Variants in EIF2S1 observed in about 807,000 individuals in gnomAD.
The protein encoded by EIF2S1 is eukaryotic translation initiation factor 2 subunit 1.
EIF2S1 carries 5 observed loss-of-function variants against 33.5 expected under a neutral mutation model. The ratio of observed to expected loss-of-function variants is 0.15; its 90% CI spans 0.08 to 0.31. The LOEUF (loss-of-function observed/expected upper bound fraction) is 0.31. Among genes scored for constraint, EIF2S1 ranks in the 10% least tolerant of loss-of-function variants. EIF2S1 has a pLI of 1.00. For synonymous variants in EIF2S1, 99 were observed against 127.5 expected (o/e 0.78, Z 1.51); for missense variants, 191 against 384.6 (o/e 0.50, Z 4.21).
rs2085764185 is a variant in EIF2S1 at position 67,364,878 on chromosome 14, G to A, written c.111G>A (p.Leu37=). The stretch of plus-strand genomic sequence containing the variant: ...AAATGGGGGCTTATGTCAGCTTGCT[G>A]GAATACAACAACATTGAAGGCATGA... ...IAEMGAYVSL[L]EYNNIEGMIL... Residue 37 remains leucine (L), a synonymous_variant, in exon 2 of 8, where the codon CTG becomes CTA. Transcript: ENST00000256383. 6.2e-7 allele frequency: 1 copy of A among 1,613,840 alleles called. No individual in the cohort carries two copies. The highest frequency in any genetic ancestry group is 1.7e-5 in the Admixed American group (1 of 59,990).
intron 6 of EIF2S1, among the ~76,000 whole-genome samples, chr14:67,382,012 A>C (rs994358911): frequency 6.6e-6 from 1 of 152,082 alleles, no homozygotes; most frequent in Non-Finnish European, 1.5e-5. Flanking sequence ...ACTTTCTTCT[A>C]TCTGTACACA....
chr14:67,368,624 A>G (rs1328840084), intron 2 of EIF2S1, among the ~76,000 whole-genome samples: 1 of 152,214 alleles, frequency 6.6e-6, no homozygotes. Flanking sequence ...CACAAAGGCC[A>G]GGAGGTGTGG....
intron 2 of EIF2S1, among the ~76,000 whole-genome samples, chr14:67,371,832 A>G (rs1040961109): frequency 2.0e-4 from 30 of 152,256 alleles, no homozygotes; most frequent in African/African-American, 7.2e-4. Context: ...TGTTTTTGTA[A>G]AAAAGCAAAT....
chr14:67,384,662 T>A lies in EIF2S1; in HGVS notation c.*1222T>A, dbSNP rs1329552351. On this transcript the variant is annotated 3_prime_UTR_variant, in exon 8 of 8. Coordinates refer to ENST00000256383, the MANE Select transcript of EIF2S1 (RefSeq NM_004094.5). ...ACTCAATATTAAAGGGTCTGGAAAA[T>A]AGAAGAGTGTGTTGGGCAGGTAGTT... The A allele has an allele frequency of 6.6e-6, 1 of 152,172 alleles. No homozygotes were observed. The highest frequency in any genetic ancestry group is 1.5e-5 in the Non-Finnish European group (1 of 68,022). The allele number at this position is 152,172 out of a possible 1,614,324, so 9.4% of individuals were successfully genotyped here.
intron 2 of EIF2S1, among the ~76,000 whole-genome samples, chr14:67,370,881 C>T (rs1043271832): frequency 2.6e-5 from 4 of 151,750 alleles, no homozygotes; most frequent in Admixed American, 6.6e-5. Context: ...AAAAATTACC[C>T]AGGCATGGTG....
intron 1 of EIF2S1, 60 bp from the exon 2 acceptor site, chr14:67,364,707 A>ATTTTTTT: frequency 1.5e-6 from 2 of 1,356,942 alleles, no homozygotes; most frequent in Non-Finnish European, 9.9e-7. Context: ...GTGGAAATTG[A>ATTTTTTT]TTTTTTTTTT....
intron 1 of EIF2S1, chr14:67,364,503 T>C (rs1305479371): frequency 2.8e-6 from 1 of 353,656 alleles, no homozygotes; most frequent in African/African-American, 2.1e-5. Flanking sequence ...TAGATGGTCA[T>C]TATTTTTTAT....
chr14:67,376,664 C>T (rs763557038), intron 4 of EIF2S1, 74 bp downstream of exon 4: 164 of 1,499,194 alleles, frequency 1.1e-4, no homozygotes, highest in Middle Eastern at 5.9e-4. Context: ...AGCATAGCAT[C>T]CATGTATAAA....
chr14:67,379,896 C>T (rs537451167), intron 4 of EIF2S1, among the ~76,000 whole-genome samples: 26 of 151,884 alleles, frequency 1.7e-4, no homozygotes, highest in African/African-American at 5.3e-4. Flanking sequence ...CCTCGTGATC[C>T]GCCCGCCTCG....
intron 7 of EIF2S1, among the ~76,000 whole-genome samples, chr14:67,382,840 GAAAAA>G (rs1206269241): frequency 1.3e-5 from 2 of 151,110 alleles, no homozygotes; most frequent in Admixed American, 6.6e-5. Flanking sequence ...CAGAATTGGA[GAAAAA>G]AAAAGTTGTC....
At chr14:67,380,476 A>G (rs1024093152) in intron 4 of EIF2S1, among the ~76,000 whole-genome samples, 183 bp from the exon 5 acceptor site, 1 of 152,220 alleles carries the variant, frequency 6.6e-6, no homozygotes, top group Non-Finnish European at 1.5e-5. Context: ...TTCACTAATA[A>G]TCAGTTGGGG....
At chr14:67,374,022 TA>T (rs1420597657) in intron 2 of EIF2S1, among the ~76,000 whole-genome samples, 1 of 152,168 alleles carries the variant, frequency 6.6e-6, no homozygotes, top group Non-Finnish European at 1.5e-5. Context: ...TTCTCTCCAG[TA>T]AGGTAATGGA....
chr14:67,381,289 T>G (rs1194249985), intron 5 of EIF2S1, among the ~76,000 whole-genome samples: 1 of 152,216 alleles, frequency 6.6e-6, no homozygotes, highest in Non-Finnish European at 1.5e-5. Flanking sequence ...ATTAGCACCC[T>G]TATATTATAC....
intron 2 of EIF2S1, among the ~76,000 whole-genome samples, chr14:67,369,046 T>G (rs1479361888): frequency 6.6e-6 from 1 of 152,248 alleles, no homozygotes; most frequent in Non-Finnish European, 1.5e-5. Flanking sequence ...TGAATTCATT[T>G]ATATCAGTAA....
rs1262136355 is a variant in EIF2S1 at position 67,383,793 on chromosome 14, A to G, written c.*353A>G. On this transcript the variant is annotated 3_prime_UTR_variant, in exon 8 of 8. Transcript: ENST00000256383. ...GAGATTTGCCAGGGGCATCCAAGGC[A>G]AACAATCCCAATCTTTCTATATAAA... is the stretch of plus-strand genomic sequence containing the variant. 2 of 295,536 alleles carry G rather than the reference A, an allele frequency of 6.8e-6. No homozygotes were observed. The highest frequency in any genetic ancestry group is 1.3e-5 in the Non-Finnish European group (2 of 150,532). The allele number at this position is 295,536 out of a possible 1,614,324, so 18.3% of individuals were successfully genotyped here. A position where few individuals can be genotyped will look rare whatever the true frequency, so the allele number is the denominator to read the frequency against.
chr14:67,366,841 G>C (rs928833901), intron 2 of EIF2S1, among the ~76,000 whole-genome samples: 1 of 152,150 alleles, frequency 6.6e-6, no homozygotes, highest in Non-Finnish European at 1.5e-5. Flanking sequence ...TATAAGAAAG[G>C]GTATGTTTTC....
intron 2 of EIF2S1, among the ~76,000 whole-genome samples, chr14:67,366,676 G>GA (rs1249090093): frequency 1.3e-5 from 2 of 152,284 alleles, no homozygotes; most frequent in Admixed American, 1.3e-4. Flanking sequence ...CTGTAGAGAG[G>GA]ATTCATTTTG....
intron 2 of EIF2S1, among the ~76,000 whole-genome samples, chr14:67,366,318 T>C (rs1273327950): frequency 1.3e-5 from 2 of 152,174 alleles, no homozygotes; most frequent in Admixed American, 1.3e-4. Flanking sequence ...GCGATTCTCC[T>C]GCCTTGGCCT....
chr14:67,365,093 AGCTT>A, intron 2 of EIF2S1, 85 bp downstream of exon 2: 2 of 1,385,258 alleles, frequency 1.4e-6, no homozygotes, highest in Non-Finnish European at 1.9e-6. Context: ...TGCAAGCTGC[AGCTT>A]AAAAAAAAAA....
Sources: gnomAD v4.1 joint callset for allele counts (sites outside exome capture counted in the v4.1 genomes callset) on GRCh38, gnomAD v4.1.1 for gene constraint, MANE v1.5 for transcripts, NCBI Gene and HGNC (gene_info 2026-07-23, HGNC 2026-07-21) for gene names.